Variants in MAGI2 observed in about 807,000 individuals in gnomAD.
MAGI2 encodes membrane-associated guanylate kinase, WW and PDZ domain-containing protein 2.
In MAGI2, 35 loss-of-function variants were observed where a neutral mutation model predicts 133.3. The observed-to-expected ratio is 0.26, with a 90% confidence interval of 0.20 to 0.35. The LOEUF is 0.35. Among genes scored for constraint, MAGI2 ranks in the 10% least tolerant of loss-of-function variants. The probability of loss-of-function intolerance (pLI) is 1.00; values close to 1 mark genes in which losing one functional copy is unlikely to be tolerated. For synonymous variants in MAGI2, 729 were observed against 710.6 expected (o/e 1.03, Z -0.41); for missense variants, 1,636 against 1,863.4 (o/e 0.88, Z 2.25).
chr7:79,137,950 G>A (rs891545655), intron 1 of MAGI2, among the ~76,000 whole-genome samples: 31 of 152,150 alleles, frequency 2.0e-4, no homozygotes, highest in African/African-American at 7.2e-4. Context: ...TGGGCGTAAT[G>A]TAATCACAAG....
rs191646526 is a variant in MAGI2, at chr7:79,275,956, G to T, written c.301+177064C>A. On this transcript the variant is annotated intron_variant, in intron 1 of 21. Coordinates refer to ENST00000354212, the MANE Select transcript of MAGI2 (RefSeq NM_012301.4). Reference sequence around the variant, plus strand: ...TCCTTTCAAAATATTACTGCTCCTTGACAATGCACCTGGTCACCCAAAAGC... The same window carrying T: ...TCCTTTCAAAATATTACTGCTCCTTTACAATGCACCTGGTCACCCAAAAGC... Among the ~76,000 whole-genome samples, 16 of 152,226 alleles carry T rather than the reference G, an allele frequency of 1.1e-4. No individual in the cohort carries two copies. The East Asian group carries it at 3.1e-3, about 29-fold the overall frequency.
At chr7:78,257,598 A>G (rs1793119934) in intron 9 of MAGI2, among the ~76,000 whole-genome samples, 1 of 152,222 alleles carries the variant, frequency 6.6e-6, no homozygotes, top group Non-Finnish European at 1.5e-5. Flanking sequence ...TTTCCTGCTT[A>G]AAATGCAGAA....
At chr7:78,550,011 A>T (rs1389191536) in intron 3 of MAGI2, among the ~76,000 whole-genome samples, 1 of 152,214 alleles carries the variant, frequency 6.6e-6, no homozygotes, top group Non-Finnish European at 1.5e-5. Flanking sequence ...AAGTAAGATT[A>T]GTGCCTTTAC....
At chr7:78,074,073 G>A (rs1485138690) in intron 21 of MAGI2, among the ~76,000 whole-genome samples, 3 of 152,098 alleles carry the variant, frequency 2.0e-5, no homozygotes, top group East Asian at 1.9e-4. Flanking sequence ...ATCATTTTCC[G>A]ACTCCTCTTG....
At chr7:78,926,097 C>T (rs899101592) in intron 2 of MAGI2, among the ~76,000 whole-genome samples, 5 of 151,790 alleles carry the variant, frequency 3.3e-5, no homozygotes, top group African/African-American at 9.7e-5. Context: ...TCTGTTCACC[C>T]CTACCCCAAT....
rs572232825 is a variant in MAGI2, at chr7:78,655,694, A to C, written c.419-28455T>G. 1.9e-3 allele frequency among the ~76,000 whole-genome samples: 282 copies of C among 152,204 alleles called. 1 individual carries two copies. The highest frequency in any genetic ancestry group is 6.4e-3 in the African/African-American group (264 of 41,550). On this transcript the variant is annotated intron_variant, in intron 2 of 21. Transcript: ENST00000354212. Reference sequence around the variant, plus strand: ...GAAGATATGTGTTTAGAAAGAAAAGAGGTTTGGCCGGGCGCAGTGGCTCAC... The same window carrying C: ...GAAGATATGTGTTTAGAAAGAAAAGCGGTTTGGCCGGGCGCAGTGGCTCAC...
At chr7:79,388,617 G>C (rs551485957) in intron 1 of MAGI2, among the ~76,000 whole-genome samples, 12 of 151,656 alleles carry the variant, frequency 7.9e-5, no homozygotes, top group South Asian at 4.2e-4. Flanking sequence ...AGAATATTTA[G>C]AGAGTTGCCT....
At chr7:78,539,180 A>G (rs1798208213) in intron 3 of MAGI2, among the ~76,000 whole-genome samples, 1 of 152,204 alleles carries the variant, frequency 6.6e-6, no homozygotes, top group African/African-American at 2.4e-5. Flanking sequence ...ATTACAAGGT[A>G]TGTCCCTTCT....
At chr7:78,605,402 A>G (rs899117459) in intron 3 of MAGI2, among the ~76,000 whole-genome samples, 19 of 152,296 alleles carry the variant, frequency 1.2e-4, no homozygotes, top group African/African-American at 4.3e-4. Context: ...ATGACCTCTT[A>G]AAGAGAAATA....
chr7:78,786,614 GC>G (rs1427469566), intron 2 of MAGI2, among the ~76,000 whole-genome samples: 1 of 152,118 alleles, frequency 6.6e-6, no homozygotes, highest in African/African-American at 2.4e-5. Context: ...GTGTTTGACG[GC>G]CCTCTGCCTA....
intron 1 of MAGI2, among the ~76,000 whole-genome samples, chr7:79,050,383 C>A (rs28621475): frequency 6.6e-6 from 1 of 151,978 alleles, no homozygotes; most frequent in Non-Finnish European, 1.5e-5. Context: ...ATAAATTCTT[C>A]TTTTTTCTGT....
chr7:78,442,709 C>T (rs780841108), intron 6 of MAGI2, among the ~76,000 whole-genome samples: 11 of 152,230 alleles, frequency 7.2e-5, no homozygotes, highest in Admixed American at 2.6e-4. Context: ...TATTGATACG[C>T]TTTGTGCTAT....
chr7:78,973,044 G>A (rs1176513663), intron 2 of MAGI2, among the ~76,000 whole-genome samples: 1 of 151,688 alleles, frequency 6.6e-6, no homozygotes, highest in Non-Finnish European at 1.5e-5. Context: ...TACAAAAACT[G>A]AAATACTGAA....
At chr7:78,981,537 T>A (rs1013623748) in intron 2 of MAGI2, among the ~76,000 whole-genome samples, 1 of 151,848 alleles carries the variant, frequency 6.6e-6, no homozygotes, top group Non-Finnish European at 1.5e-5. Context: ...TTAATTAATT[T>A]AAGCATAATC....
At chr7:78,665,211 T>C (rs1813419455) in intron 2 of MAGI2, among the ~76,000 whole-genome samples, 1 of 151,920 alleles carries the variant, frequency 6.6e-6, no homozygotes, top group African/African-American at 2.4e-5. Flanking sequence ...TTTAAGGTTC[T>C]TGATACGTGG....
At chr7:78,841,514 C>G (rs1184791261) in intron 2 of MAGI2, among the ~76,000 whole-genome samples, 1 of 151,976 alleles carries the variant, frequency 6.6e-6, no homozygotes, top group Non-Finnish European at 1.5e-5. Context: ...ATGCATCCCT[C>G]TCATCCTTAC....
At chr7:78,943,932 T>A (rs573629741) in intron 2 of MAGI2, among the ~76,000 whole-genome samples, 1 of 152,348 alleles carries the variant, frequency 6.6e-6, no homozygotes, top group South Asian at 2.1e-4. Context: ...CTAATACATG[T>A]AATTTTACTC....
At chr7:78,696,515 T>A (rs1044851852) in intron 2 of MAGI2, among the ~76,000 whole-genome samples, 4 of 152,158 alleles carry the variant, frequency 2.6e-5, no homozygotes, top group Admixed American at 1.3e-4. Context: ...CCACAATTGC[T>A]TTTTTCCTTC....
chr7:78,524,180 G>GA (rs929940399), intron 3 of MAGI2, among the ~76,000 whole-genome samples: 20 of 152,154 alleles, frequency 1.3e-4, no homozygotes, highest in African/African-American at 4.8e-4. Flanking sequence ...GAGGGAGGGG[G>GA]AGCCCTACCG....
Sources: allele counts gnomAD v4.1 joint callset (sites outside exome capture counted in the v4.1 genomes callset), GRCh38; gene constraint gnomAD v4.1.1; transcripts MANE v1.5; gene names NCBI Gene and HGNC (gene_info 2026-07-23, HGNC 2026-07-21).